Variants in ATP8A1 observed in about 807,000 individuals in gnomAD.
The protein encoded by ATP8A1 is phospholipid-transporting ATPase IA.
In ATP8A1, 90 loss-of-function variants were observed where a neutral mutation model predicts 177.7. That is an observed-to-expected ratio of 0.51 (90% CI 0.43 to 0.60). The LOEUF is 0.60. ATP8A1 is among the 20% of genes least tolerant of loss of function. ATP8A1 has a pLI of 0.00. For synonymous variants in ATP8A1, 493 were observed against 485.9 expected, an observed-to-expected ratio of 1.01 and a Z score of -0.19; for missense variants, 1,072 against 1,392.8, an observed-to-expected ratio of 0.77 and a Z score of 3.67.
rs1028270281 is a variant in ATP8A1 at position 42,544,305 on chromosome 4, T to C, written c.1653-319A>G. Among the ~76,000 whole-genome samples, 4 of 152,224 alleles carry C rather than the reference T, an allele frequency of 2.6e-5. No individual in the cohort carries two copies. In the East Asian group the frequency reaches 7.7e-4, roughly 29 times the overall value. On this transcript the variant is annotated intron_variant, in intron 19 of 36. Transcript: ENST00000381668. Reference sequence around the variant, plus strand: ...CAATGTTTTCGGATTTGAAAAAATATTTAAGTTGGTTTCTTAAAGGATAAA... The same window carrying C: ...CAATGTTTTCGGATTTGAAAAAATACTTAAGTTGGTTTCTTAAAGGATAAA...
chr4:42,590,557 T>A (rs1280550195), intron 7 of ATP8A1, among the ~76,000 whole-genome samples: 1 of 152,150 alleles, frequency 6.6e-6, no homozygotes, highest in East Asian at 1.9e-4. Flanking sequence ...AAAATCTACC[T>A]TTACTGTCAT....
rs1186478292 is a variant in ATP8A1, at chr4:42,464,643, A to T, written c.2619+47T>A. 2.7e-6 allele frequency: 3 copies of T among 1,127,608 alleles called. No homozygotes were observed. The South Asian group carries it at 4.8e-5, about 18-fold the overall frequency. 69.9% of individuals were successfully genotyped at this position (1,127,608 alleles called of 1,614,324 possible). A position where few individuals can be genotyped will look rare whatever the true frequency, so the allele number is the denominator to read the frequency against. On this transcript the variant is annotated intron_variant, in intron 27 of 36. Transcript: ENST00000381668. ...ACGTCTCCATAAAGAAAATTTCTTT[A>T]AATATGTATGCAAATGACAAGGATT... is the stretch of plus-strand genomic sequence containing the variant.
In ATP8A1 at chr4:42,423,715, T is replaced by C. The variant is rs1714262337; in HGVS notation, c.3124-10A>G. ...TGAACAACATGGCTGCCTGTGTAAA[T>C]CGTCAGAAAAAACATTACTTTAAAA... On this transcript the variant is annotated splice_polypyrimidine_tract_variant and intron_variant, in intron 33 of 36. Transcript: ENST00000381668. The C allele has an allele frequency of 6.2e-7, 1 of 1,603,682 alleles. No homozygotes were observed. The highest frequency in any genetic ancestry group is 8.5e-7 in the Non-Finnish European group (1 of 1,174,110).
chr4:42,485,020 A>G (rs1722051871), intron 25 of ATP8A1, among the ~76,000 whole-genome samples: 1 of 152,202 alleles, frequency 6.6e-6, no homozygotes, highest in Admixed American at 6.5e-5. Flanking sequence ...CTCAAAAGAG[A>G]TTTTAATTTA....
intron 33 of ATP8A1, among the ~76,000 whole-genome samples, chr4:42,436,016 C>T (rs1349318678): frequency 6.6e-6 from 1 of 152,194 alleles, no homozygotes; most frequent in Non-Finnish European, 1.5e-5. Flanking sequence ...GCCCAATTAA[C>T]TTGGTATTGA....
At chr4:42,468,446 CACACACAGACACACACATACACAT>C (rs1036577270) in intron 25 of ATP8A1, among the ~76,000 whole-genome samples, 6 of 151,794 alleles carry the variant, frequency 4.0e-5, no homozygotes, top group South Asian at 2.1e-4. Flanking sequence ...CACACACACA[CACACACAGACACACACATACACAT>C]ATATGAATGA....
At chr4:42,584,030 C>T (rs959804446) in intron 9 of ATP8A1, among the ~76,000 whole-genome samples, 3 of 152,192 alleles carry the variant, frequency 2.0e-5, no homozygotes, top group Admixed American at 1.3e-4. Context: ...AATTACTTCA[C>T]GGATTACAGG....
chr4:42,577,956 G>C (rs1270811464), intron 12 of ATP8A1, among the ~76,000 whole-genome samples: 2 of 152,098 alleles, frequency 1.3e-5, no homozygotes, highest in Non-Finnish European at 2.9e-5. Flanking sequence ...TGAGAAAGTT[G>C]ATACACCTAG....
chr4:42,446,960 G>T (rs1216039635), intron 30 of ATP8A1, among the ~76,000 whole-genome samples: 1 of 151,796 alleles, frequency 6.6e-6, no homozygotes. Context: ...TCGTAATAAA[G>T]AACTCTGTTA....
intron 30 of ATP8A1, among the ~76,000 whole-genome samples, chr4:42,448,556 C>A (rs1717559814): frequency 6.6e-6 from 1 of 151,376 alleles, no homozygotes; most frequent in African/African-American, 2.4e-5. Flanking sequence ...CGTCACCATG[C>A]CCAGCTAATT....
rs116937743 is a variant in ATP8A1 at position 42,531,153 on chromosome 4, G to A, written c.1723-6306C>T. 2.6e-3 allele frequency among the ~76,000 whole-genome samples: 395 copies of A among 152,236 alleles called. 11 individuals carry two copies. The East Asian group carries it at 0.073, about 28-fold the overall frequency. ...AACAGAGGTAGGGAAGAGTATGTAC[G>A]GAATACAGCGAATCCATTAGGGCGA... On this transcript the variant is annotated intron_variant, in intron 20 of 36. Transcript: ENST00000381668.
intron 14 of ATP8A1, among the ~76,000 whole-genome samples, chr4:42,572,087 G>A (rs960087339): frequency 5.9e-5 from 9 of 152,082 alleles, no homozygotes; most frequent in Non-Finnish European, 7.4e-5. Flanking sequence ...GCAACACTGA[G>A]GCAAAATCAG....
chr4:42,453,292 C>A (rs1300654126), intron 29 of ATP8A1, among the ~76,000 whole-genome samples: 1 of 152,178 alleles, frequency 6.6e-6, no homozygotes, highest in African/African-American at 2.4e-5. Flanking sequence ...TACAACTGTG[C>A]ATTTTGTAGC....
Position 42,590,880 on chromosome 4 carries a change from G to C in ATP8A1, c.455C>G (p.Ala152Gly). Residue 152 changes from alanine (A) to glycine (G), a missense_variant, in exon 7 of 37, where the codon GCA (alanine) becomes GGA (glycine). Coordinates refer to ENST00000381668, the MANE Select transcript of ATP8A1 (RefSeq NM_006095.2). ...GGTCACTTTCACTATCTCCCCTACT[G>C]CCACCTACACGTCCCAGTATAAAAT... is the stretch of plus-strand genomic sequence containing the variant. ...AWEIVHWEKVAVGEIVKVTNG... is the reference protein window; with the variant it reads ...AWEIVHWEKVGVGEIVKVTNG... The C allele has an allele frequency of 1.9e-6, 3 of 1,607,964 alleles. No individual in the cohort carries two copies. Among genetic ancestry groups the C allele is most frequent in the Non-Finnish European group, 2.5e-6 (3 of 1,178,408 alleles).
At chr4:42,555,123 ATCTATCTATCTATCTAATCTATCT>A (rs1364920268) in intron 16 of ATP8A1, among the ~76,000 whole-genome samples, 113 of 97,784 alleles carry the variant, frequency 1.2e-3, no homozygotes, top group Admixed American at 3.2e-3. Context: ...CTATCTATCT[ATCTATCTATCTATCTAATCTATCT>A]ATCTATCTAT....
chr4:42,537,127 C>T (rs1443080480), intron 20 of ATP8A1, among the ~76,000 whole-genome samples: 14 of 140,750 alleles, frequency 9.9e-5, no homozygotes, highest in Admixed American at 5.9e-4. Context: ...AGCGAAACTC[C>T]GTCTCAAAAA....
At chr4:42,554,712 G>C (rs911522494) in intron 16 of ATP8A1, among the ~76,000 whole-genome samples, 1 of 152,194 alleles carries the variant, frequency 6.6e-6, no homozygotes, top group Non-Finnish European at 1.5e-5. Context: ...TATGAAAACT[G>C]AGTGTCAGTG....
At chr4:42,499,406 G>A (rs1723594211) in intron 24 of ATP8A1, among the ~76,000 whole-genome samples, 1 of 152,094 alleles carries the variant, frequency 6.6e-6, no homozygotes, top group Non-Finnish European at 1.5e-5. Flanking sequence ...CTACCTCTGG[G>A]GACAGATCCC....
intron 15 of ATP8A1, among the ~76,000 whole-genome samples, chr4:42,565,704 G>A (rs1388058679): frequency 6.6e-6 from 1 of 152,174 alleles, no homozygotes; most frequent in Admixed American, 6.5e-5. Context: ...AGGCATAAAT[G>A]AACTGGTCTT....
Sources: gnomAD v4.1 joint callset for allele counts (sites outside exome capture counted in the v4.1 genomes callset) on GRCh38, gnomAD v4.1.1 for gene constraint, MANE v1.5 for transcripts, NCBI Gene and HGNC (gene_info 2026-07-23, HGNC 2026-07-21) for gene names.